The following CCDC102B variants were observed in gnomAD, a reference collection of about 807,000 sequenced individuals.
The protein encoded by CCDC102B is coiled-coil domain containing 102B.
Under a neutral mutation model 57.4 loss-of-function variants are expected in CCDC102B, and 75 were observed. That is an observed-to-expected ratio of 1.31 (90% confidence interval 1.08 to 1.58). The LOEUF (loss-of-function observed/expected upper bound fraction) is 1.58, where lower values mean the gene tolerates loss of function less well. Ranked by LOEUF, CCDC102B falls within the 40% of genes most tolerant of loss-of-function variation. CCDC102B has a pLI of 0.00. For missense variants in CCDC102B, 636 were observed against 582.6 expected, an observed-to-expected ratio of 1.09 and a Z score of -0.94; for synonymous variants, 206 against 201.9, an observed-to-expected ratio of 1.02 and a Z score of -0.17.
intron 4 of CCDC102B, among the ~76,000 whole-genome samples, chr18:68,861,230 T>C (rs1194508936): frequency 6.6e-6 from 1 of 152,046 alleles, no homozygotes; most frequent in Non-Finnish European, 1.5e-5. Flanking sequence ...AGAGGAACAT[T>C]ATGGTTTTTT....
chr18:68,984,334 A>G (rs190716773), intron 6 of CCDC102B, among the ~76,000 whole-genome samples: 7 of 152,206 alleles, frequency 4.6e-5, no homozygotes, highest in Admixed American at 2.0e-4. Context: ...AAATTCAACT[A>G]TAGAAATGCC....
intron 4 of CCDC102B, among the ~76,000 whole-genome samples, 154 bp from the exon 5 acceptor site, chr18:68,874,515 A>C (rs1331441457): frequency 6.6e-6 from 1 of 151,936 alleles, no homozygotes; most frequent in Non-Finnish European, 1.5e-5. Flanking sequence ...TAAACAGTTC[A>C]ACCACAATCA....
intron 7 of CCDC102B, among the ~76,000 whole-genome samples, chr18:69,022,224 A>ATATATATATATATAT (rs1568131201): frequency 1.2e-4 from 13 of 111,776 alleles, no homozygotes; most frequent in Admixed American, 4.4e-4. Context: ...TATATATATA[A>ATATATATATATATAT]CACACACACA....
At chr18:68,872,340 G>A (rs1181567252) in intron 4 of CCDC102B, among the ~76,000 whole-genome samples, 1 of 152,024 alleles carries the variant, frequency 6.6e-6, no homozygotes, top group Non-Finnish European at 1.5e-5. Flanking sequence ...CAATGGAGTA[G>A]ATCAGAAACA....
At chr18:69,026,493 T>C (rs1009987195) in intron 7 of CCDC102B, among the ~76,000 whole-genome samples, 1 of 145,146 alleles carries the variant, frequency 6.9e-6, no homozygotes, top group African/African-American at 2.6e-5. Flanking sequence ...AGAAATCCAG[T>C]GTCAAAGCTG....
At chr18:69,040,523 G>T (rs1056605574) in intron 7 of CCDC102B, among the ~76,000 whole-genome samples, 2 of 151,466 alleles carry the variant, frequency 1.3e-5, no homozygotes, top group Non-Finnish European at 2.9e-5. Context: ...TCAATAACAA[G>T]ATCAAGCAAT....
At chr18:68,934,919 G>C (rs1370327636) in intron 6 of CCDC102B, among the ~76,000 whole-genome samples, 1 of 151,896 alleles carries the variant, frequency 6.6e-6, no homozygotes, top group Non-Finnish European at 1.5e-5. Flanking sequence ...TGAGGACATA[G>C]TATGCTGAGA....
intron 6 of CCDC102B, among the ~76,000 whole-genome samples, chr18:68,966,031 C>T (rs1701586629): frequency 6.6e-6 from 1 of 152,074 alleles, no homozygotes; most frequent in Admixed American, 6.6e-5. Flanking sequence ...GCTGAGAGGT[C>T]GAGGTAGGTT....
At chr18:68,727,877 C>G (rs2032670987) in intron 2 of CCDC102B, among the ~76,000 whole-genome samples, 1 of 152,192 alleles carries the variant, frequency 6.6e-6, no homozygotes, top group Non-Finnish European at 1.5e-5. Flanking sequence ...CATATTGACT[C>G]TTGGACTGTT....
intron 6 of CCDC102B, among the ~76,000 whole-genome samples, chr18:68,956,332 T>TATATATAATATATATAAA (rs71176917): frequency 0.54 from 29,668 of 54,740 alleles, 5,576 homozygotes; most frequent in Non-Finnish European, 0.57. Flanking sequence ...TTATATATAT[T>TATATATAATATATATAAA]ATATATAATA....
intron 2 of CCDC102B, among the ~76,000 whole-genome samples, chr18:68,786,176 C>T (rs1568249186): frequency 6.6e-6 from 1 of 150,930 alleles, no homozygotes; most frequent in Non-Finnish European, 1.5e-5. Context: ...CTGTTCTGTT[C>T]CATTGATCTA....
At chr18:68,808,179 A>G (rs1290255275) in intron 1 of CCDC102B, among the ~76,000 whole-genome samples, 1 of 152,176 alleles carries the variant, frequency 6.6e-6, no homozygotes, top group Non-Finnish European at 1.5e-5. Context: ...CAAGTAACAT[A>G]TCTAAAATTG....
intron 6 of CCDC102B, among the ~76,000 whole-genome samples, chr18:68,914,153 A>C (rs2040980584): frequency 6.6e-6 from 1 of 152,236 alleles, no homozygotes; most frequent in Non-Finnish European, 1.5e-5. Context: ...AATGTCTTTC[A>C]TCATAACAGT....
intron 1 of CCDC102B, among the ~76,000 whole-genome samples, chr18:68,809,836 T>C (rs1419565183): frequency 6.6e-6 from 1 of 152,196 alleles, no homozygotes; most frequent in African/African-American, 2.4e-5. Flanking sequence ...TGAGTAGATA[T>C]CATTATATAC....
At chr18:69,001,988 G>A (rs2051214518) in intron 6 of CCDC102B, among the ~76,000 whole-genome samples, 1 of 152,108 alleles carries the variant, frequency 6.6e-6, no homozygotes. Context: ...AATTATTAGA[G>A]TAATTTATTT....
At chr18:69,003,695 C>A (rs985671820) in intron 6 of CCDC102B, among the ~76,000 whole-genome samples, 1 of 152,178 alleles carries the variant, frequency 6.6e-6, no homozygotes, top group Non-Finnish European at 1.5e-5. Flanking sequence ...TATCATGAAG[C>A]AATGTACATA....
intron 2 of CCDC102B, among the ~76,000 whole-genome samples, chr18:68,790,488 A>G (rs113733167): frequency 2.0e-5 from 3 of 151,164 alleles, no homozygotes; most frequent in Non-Finnish European, 4.4e-5. Flanking sequence ...CGAGACTCCG[A>G]GGGCGTAGGA....
intron 2 of CCDC102B, among the ~76,000 whole-genome samples, chr18:68,777,021 G>A (rs2144625922): frequency 6.6e-6 from 1 of 152,192 alleles, no homozygotes; most frequent in Non-Finnish European, 1.5e-5. Flanking sequence ...TTACCTATAG[G>A]AAATATTTGT....
chr18:68,977,832 A>G (rs1387964356), intron 6 of CCDC102B, among the ~76,000 whole-genome samples: 3 of 152,028 alleles, frequency 2.0e-5, no homozygotes, highest in Non-Finnish European at 2.9e-5. Context: ...TCATTTGCCT[A>G]TCTAGGGAAA....
Sources: allele counts gnomAD v4.1 joint callset (sites outside exome capture counted in the v4.1 genomes callset), GRCh38; gene constraint gnomAD v4.1.1; transcripts MANE v1.5; gene names NCBI Gene and HGNC (gene_info 2026-07-23, HGNC 2026-07-21).